The following MMP16 variants were observed in gnomAD, a reference collection of about 807,000 sequenced individuals.
MMP16 encodes the protein matrix metallopeptidase 16.
A neutral mutation model predicts 67.8 loss-of-function variants in MMP16; 12 were observed. The observed-to-expected ratio is 0.18, with a 90% confidence interval of 0.11 to 0.29. The LOEUF is 0.29. Among genes scored for constraint, MMP16 ranks in the 10% least tolerant of loss-of-function variants. MMP16 has a pLI of 1.00. For missense variants in MMP16, 475 were observed against 765.7 expected (o/e 0.62, Z 4.48); for synonymous variants, 249 against 255.9 (o/e 0.97, Z 0.26).
intron 1 of MMP16, among the ~76,000 whole-genome samples, chr8:88,223,008 A>C (rs953134021): frequency 2.0e-5 from 3 of 152,150 alleles, no homozygotes; most frequent in Non-Finnish European, 4.4e-5. Flanking sequence ...AGAAGACAAC[A>C]AACAACTCCA....
At chr8:88,294,477 T>G (rs1810979538) in intron 1 of MMP16, among the ~76,000 whole-genome samples, 1 of 150,848 alleles carries the variant, frequency 6.6e-6, no homozygotes, top group African/African-American at 2.4e-5. Context: ...TACACACATA[T>G]GTATGTCTCT....
At chr8:88,315,384 T>C (rs939696058) in intron 1 of MMP16, among the ~76,000 whole-genome samples, 2 of 152,208 alleles carry the variant, frequency 1.3e-5, no homozygotes, top group South Asian at 2.1e-4. Flanking sequence ...TATTTGACTA[T>C]GGAATGTTTC....
chr8:88,290,424 G>A (rs1810908738), intron 1 of MMP16, among the ~76,000 whole-genome samples: 1 of 152,038 alleles, frequency 6.6e-6, no homozygotes, highest in African/African-American at 2.4e-5. Context: ...ATGGTGGCGG[G>A]CACCTGTACT....
chr8:88,129,300 A>AT (rs1036973145), intron 4 of MMP16, among the ~76,000 whole-genome samples: 33 of 151,786 alleles, frequency 2.2e-4, no homozygotes, highest in African/African-American at 7.7e-4. Context: ...CACCTAATTC[A>AT]TTTTTTTATA....
intron 1 of MMP16, among the ~76,000 whole-genome samples, chr8:88,230,985 C>G (rs1020382267): frequency 2.0e-5 from 3 of 152,080 alleles, no homozygotes; most frequent in Non-Finnish European, 4.4e-5. Context: ...CCTTCTGGAT[C>G]TTAGTATTCT....
At chr8:88,300,096 T>C (rs893189742) in intron 1 of MMP16, among the ~76,000 whole-genome samples, 2 of 152,180 alleles carry the variant, frequency 1.3e-5, no homozygotes, top group Non-Finnish European at 2.9e-5. Flanking sequence ...ATGTAAGTGG[T>C]ATCTCTGGAA....
chr8:88,195,373 C>A, intron 2 of MMP16, among the ~76,000 whole-genome samples: 1 of 152,150 alleles, frequency 6.6e-6, no homozygotes, highest in South Asian at 2.1e-4. Context: ...ACAATGTGAA[C>A]TAATTTGTTT....
intron 7 of MMP16, among the ~76,000 whole-genome samples, chr8:88,067,560 A>T (rs978060875): frequency 6.6e-6 from 1 of 152,098 alleles, no homozygotes; most frequent in African/African-American, 2.4e-5. Context: ...TCATTCTGAG[A>T]AGTTTTCTTC....
intron 1 of MMP16, among the ~76,000 whole-genome samples, chr8:88,200,219 C>T (rs1394230793): frequency 2.6e-5 from 4 of 151,888 alleles, no homozygotes; most frequent in Non-Finnish European, 5.9e-5. Flanking sequence ...GAAAACTCCC[C>T]AAATCCAAAA....
chr8:88,264,057 G>T (rs1419717444), intron 1 of MMP16, among the ~76,000 whole-genome samples: 15 of 69,098 alleles, frequency 2.2e-4, no homozygotes, highest in African/African-American at 8.2e-4. Flanking sequence ...TATATATATA[G>T]GGAGAGAGAG....
chr8:88,045,855 A>G (rs950242193), intron 9 of MMP16, among the ~76,000 whole-genome samples: 3 of 152,224 alleles, frequency 2.0e-5, no homozygotes, highest in Non-Finnish European at 4.4e-5. Context: ...TGAGGACTAC[A>G]TAATATACTA....
rs1437491014 is a variant in MMP16, at chr8:88,154,109, T to G, written c.709+13560A>C. Among the ~76,000 whole-genome samples, 119 of 132,220 alleles carry G rather than the reference T, an allele frequency of 9.0e-4. 1 individual carries two copies. The highest frequency in any genetic ancestry group is 3.4e-3 in the African/African-American group (117 of 34,704). The allele number at this position is 132,220 out of a possible 152,430, so 86.7% of individuals were successfully genotyped here. ...GACATTTATGCAGCCAAAAAACACA[T>G]GAAAAAATGCTCATCATCACTGGCC... On this transcript the variant is annotated intron_variant, in intron 4 of 9. Transcript: ENST00000286614.
chr8:88,146,927 T>A (rs534046156), intron 4 of MMP16, among the ~76,000 whole-genome samples: 1 of 152,188 alleles, frequency 6.6e-6, no homozygotes, highest in African/African-American at 2.4e-5. Flanking sequence ...TACTCCTATA[T>A]AGCAGGTATA....
At chr8:88,174,339 C>T (rs1808850758) in intron 3 of MMP16, among the ~76,000 whole-genome samples, 1 of 152,064 alleles carries the variant, frequency 6.6e-6, no homozygotes, top group Non-Finnish European at 1.5e-5. Flanking sequence ...TACTGTAAGT[C>T]CATTTTATTA....
In MMP16 at chr8:88,216,031, T is replaced by C. The variant is rs556171476; in HGVS notation, c.133-18725A>G. ...TTGTGGCAGCTGAAAGTCATTTTCA[T>C]AGAAGAAGAATTACGTATTTTATCA... On this transcript the variant is annotated intron_variant, in intron 1 of 9. Coordinates refer to ENST00000286614, the MANE Select transcript of MMP16 (RefSeq NM_005941.5). 3.0e-4 allele frequency among the ~76,000 whole-genome samples: 46 copies of C among 152,326 alleles called. No individual in the cohort carries two copies. In the East Asian group the frequency reaches 8.3e-3, roughly 28 times the overall value.
chr8:88,141,324 CA>C (rs1808207257), intron 4 of MMP16, among the ~76,000 whole-genome samples: 1 of 152,124 alleles, frequency 6.6e-6, no homozygotes. Flanking sequence ...GTAATACACA[CA>C]AAATATGTGC....
chr8:88,167,805 A>G lies in MMP16; in HGVS notation c.573T>C (p.Gly191=). 6.2e-7 allele frequency: 1 copy of G among 1,614,064 alleles called. No homozygotes were observed. The highest frequency in any genetic ancestry group is 8.5e-7 in the Non-Finnish European group (1 of 1,179,980). Residue 191 remains glycine, a synonymous_variant, in exon 4 of 10, where the codon GGT becomes GGC. Transcript: ENST00000286614. ...CAAAGGGAGAGCTGTCCCCATGGAA[A>G]CCAGATGCAAAAATAATGGTTATAT... The part of the protein sequence containing the change: ...DVDITIIFAS[G]FHGDSSPFDG...
chr8:88,121,141 T>A (rs1807823192), intron 4 of MMP16, among the ~76,000 whole-genome samples: 2 of 149,978 alleles, frequency 1.3e-5, no homozygotes, highest in Admixed American at 1.3e-4. Flanking sequence ...ACAGACATAA[T>A]AGCAAACAGG....
At chr8:88,147,446 T>C (rs181270043) in intron 4 of MMP16, among the ~76,000 whole-genome samples, 2 of 152,238 alleles carry the variant, frequency 1.3e-5, no homozygotes, top group East Asian at 3.9e-4. Context: ...CTTTCTTTCA[T>C]CAATATTATT....
Sources: gnomAD v4.1 joint callset for allele counts (sites outside exome capture counted in the v4.1 genomes callset) on GRCh38, gnomAD v4.1.1 for gene constraint, MANE v1.5 for transcripts, NCBI Gene and HGNC (gene_info 2026-07-23, HGNC 2026-07-21) for gene names.